The following PACRG variants were observed in gnomAD, a reference collection of about 807,000 sequenced individuals.
The protein encoded by PACRG is parkin coregulated gene protein.
A neutral mutation model predicts 29.7 loss-of-function variants in PACRG; 29 were observed. The ratio of observed to expected loss-of-function variants is 0.98; its 90% CI spans 0.73 to 1.33. The LOEUF is 1.33. PACRG is among the 40% of genes most tolerant of loss of function. The pLI is 0.00. For synonymous variants in PACRG, 116 were observed against 118.7 expected (o/e 0.98, Z 0.15); for missense variants, 279 against 316.2 (o/e 0.88, Z 0.89).
At chr6:162,877,221 G>A (rs1793434436) in intron 2 of PACRG, among the ~76,000 whole-genome samples, 1 of 152,170 alleles carries the variant, frequency 6.6e-6, no homozygotes, top group South Asian at 2.1e-4. Flanking sequence ...TAAAGAAAAT[G>A]TGGCACATAT....
chr6:162,929,448 G>C (rs950308301), intron 2 of PACRG, among the ~76,000 whole-genome samples: 2 of 151,908 alleles, frequency 1.3e-5, no homozygotes, highest in South Asian at 2.1e-4. Flanking sequence ...TTTTGTTATT[G>C]AGTTGAGTCC....
intron 4 of PACRG, among the ~76,000 whole-genome samples, chr6:163,243,308 G>A (rs569244364): frequency 6.6e-6 from 1 of 152,358 alleles, no homozygotes; most frequent in East Asian, 1.9e-4. Flanking sequence ...ACGGGGAAAG[G>A]GGAGGGGCAT....
At chr6:163,086,408 TA>T (rs1262621723) in intron 3 of PACRG, among the ~76,000 whole-genome samples, 4 of 152,206 alleles carry the variant, frequency 2.6e-5, no homozygotes, top group Non-Finnish European at 4.4e-5. Context: ...TTTCAGCAGA[TA>T]GATTTTGTCC....
chr6:162,889,111 G>T (rs1020722710), intron 2 of PACRG, among the ~76,000 whole-genome samples: 1 of 152,154 alleles, frequency 6.6e-6, no homozygotes, highest in Admixed American at 6.5e-5. Flanking sequence ...GTTGGATCAA[G>T]TATTCATCTT....
At chr6:162,763,811 C>T (rs1782566167) in intron 1 of PACRG, among the ~76,000 whole-genome samples, 1 of 152,198 alleles carries the variant, frequency 6.6e-6, no homozygotes, top group African/African-American at 2.4e-5. Flanking sequence ...AATTAACCTT[C>T]AGTCGGCCAT....
chr6:163,109,576 A>G (rs1815594096), intron 4 of PACRG, among the ~76,000 whole-genome samples: 1 of 152,200 alleles, frequency 6.6e-6, no homozygotes, highest in African/African-American at 2.4e-5. Flanking sequence ...TCTGAGTCCT[A>G]TCTAAGGCAT....
At chr6:162,792,016 G>A (rs781316618) in intron 1 of PACRG, among the ~76,000 whole-genome samples, 2 of 152,142 alleles carry the variant, frequency 1.3e-5, no homozygotes, top group African/African-American at 2.4e-5. Context: ...AGCTGTGAAT[G>A]AGGCTGGAGA....
At position 162,807,543 on chromosome 6, in the gene PACRG, A is replaced by G. The variant is rs933475877; in HGVS notation, c.157-6604A>G. 2.6e-5 allele frequency among the ~76,000 whole-genome samples: 4 copies of G among 152,248 alleles called. No homozygotes were observed. In the East Asian group the frequency reaches 7.7e-4, roughly 29 times the overall value. The stretch of plus-strand genomic sequence containing the variant: ...CCTGAGGAAGGGAGAGAGATAGGGG[A>G]ATGGCCAATTGGTGGAGCAGTTAGA... On this transcript the variant is annotated intron_variant, in intron 1 of 4. Coordinates refer to ENST00000366888, the MANE Select transcript of PACRG (RefSeq NM_001080379.2).
chr6:163,290,732 T>C (rs1379024969), intron 4 of PACRG, among the ~76,000 whole-genome samples: 1 of 152,240 alleles, frequency 6.6e-6, no homozygotes, highest in Non-Finnish European at 1.5e-5. Flanking sequence ...GTGTTAGCAC[T>C]GTCGCTATTA....
At chr6:163,010,756 CT>C in intron 2 of PACRG, among the ~76,000 whole-genome samples, 1 of 152,308 alleles carries the variant, frequency 6.6e-6, no homozygotes, top group Middle Eastern at 3.4e-3. Flanking sequence ...AGGCACGGTG[CT>C]GGGCAGAAGG....
intron 2 of PACRG, among the ~76,000 whole-genome samples, chr6:162,865,423 A>C (rs1428762076): frequency 6.6e-6 from 1 of 152,184 alleles, no homozygotes; most frequent in Non-Finnish European, 1.5e-5. Flanking sequence ...AAGCCTTCTC[A>C]TTGTAAATTA....
At chr6:163,201,077 T>C (rs1374268438) in intron 4 of PACRG, among the ~76,000 whole-genome samples, 41 of 152,242 alleles carry the variant, frequency 2.7e-4, no homozygotes, top group Admixed American at 2.7e-3. Flanking sequence ...TCAAATGTGA[T>C]GTTTATTATT....
chr6:163,159,465 T>C (rs1247843875), intron 4 of PACRG, among the ~76,000 whole-genome samples: 1 of 152,064 alleles, frequency 6.6e-6, no homozygotes, highest in Non-Finnish European at 1.5e-5. Flanking sequence ...ATTGCATTTA[T>C]ACAATTTTTA....
At chr6:163,123,130 T>C (rs1005831866) in intron 4 of PACRG, among the ~76,000 whole-genome samples, 1 of 152,226 alleles carries the variant, frequency 6.6e-6, no homozygotes, top group African/African-American at 2.4e-5. Context: ...CAGTTGTTTA[T>C]ACCTGGAGGC....
intron 4 of PACRG, among the ~76,000 whole-genome samples, chr6:163,265,298 G>T (rs758312588): frequency 6.6e-6 from 1 of 152,102 alleles, no homozygotes; most frequent in African/African-American, 2.4e-5. Context: ...CTTCTGGTCC[G>T]CATCCTTTTC....
At chr6:163,094,859 C>A (rs1001010677) in intron 4 of PACRG, among the ~76,000 whole-genome samples, 2 of 152,198 alleles carry the variant, frequency 1.3e-5, no homozygotes, top group Non-Finnish European at 2.9e-5. Flanking sequence ...AACTACACAG[C>A]ACAATGGTTA....
At chr6:163,235,976 GA>G (rs1194470133) in intron 4 of PACRG, among the ~76,000 whole-genome samples, 3 of 152,034 alleles carry the variant, frequency 2.0e-5, no homozygotes, top group African/African-American at 7.2e-5. Context: ...GAGGCTTTGG[GA>G]AAACTGGCAA....
At chr6:162,930,240 T>C (rs1459188304) in intron 2 of PACRG, among the ~76,000 whole-genome samples, 1 of 151,914 alleles carries the variant, frequency 6.6e-6, no homozygotes, top group Non-Finnish European at 1.5e-5. Flanking sequence ...AGTATCTTTT[T>C]ATTTTTTTCT....
At chr6:162,835,991 G>A (rs561028926) in intron 2 of PACRG, among the ~76,000 whole-genome samples, 226 of 151,932 alleles carry the variant, frequency 1.5e-3, no homozygotes, top group African/African-American at 1.7e-3. Context: ...TCAGTTTTCC[G>A]TCCCACATCC....
Sources: allele counts gnomAD v4.1 joint callset (sites outside exome capture counted in the v4.1 genomes callset), GRCh38; gene constraint gnomAD v4.1.1; transcripts MANE v1.5; gene names NCBI Gene and HGNC (gene_info 2026-07-23, HGNC 2026-07-21).